Variants in GRM5 observed in about 807,000 individuals in gnomAD.
GRM5 encodes the protein metabotropic glutamate receptor 5.
Under a neutral mutation model 83.1 loss-of-function variants are expected in GRM5, and 19 were observed. The observed-to-expected ratio is 0.23, with a 90% CI of 0.16 to 0.34. GRM5 has a LOEUF of 0.34. Ranked by LOEUF, GRM5 falls within the 10% of genes least tolerant of loss-of-function variation. The pLI is 1.00. For missense variants in GRM5, 1,160 were observed against 1,588.3 expected, an observed-to-expected ratio of 0.73 and a Z score of 4.58; for synonymous variants, 675 against 633.6, an observed-to-expected ratio of 1.07 and a Z score of -0.98.
intron 3 of GRM5, among the ~76,000 whole-genome samples, chr11:88,666,798 A>C (rs984874149): frequency 6.6e-6 from 1 of 152,214 alleles, no homozygotes; most frequent in Non-Finnish European, 1.5e-5. Flanking sequence ...AACAAGCAAC[A>C]GCAAATTCTC....
At chr11:89,031,600 A>G (rs1006050993) in intron 2 of GRM5, among the ~76,000 whole-genome samples, 2 of 152,014 alleles carry the variant, frequency 1.3e-5, no homozygotes, top group African/African-American at 4.8e-5. Context: ...GAAAAAATGC[A>G]AACAAAAACA....
chr11:88,713,132 A>T (rs1029801461), intron 3 of GRM5, among the ~76,000 whole-genome samples: 1 of 152,060 alleles, frequency 6.6e-6, no homozygotes. Context: ...ATACTGCTAT[A>T]TTGTGCCTCT....
chr11:88,751,476 C>G (rs11021172), intron 3 of GRM5, among the ~76,000 whole-genome samples: 78,858 of 151,608 alleles, frequency 0.52, 23,347 homozygotes, highest in Non-Finnish European at 0.7. Flanking sequence ...GCCTACCAAC[C>G]AACAAAAGCT....
At chr11:88,629,213 AT>A (rs1938890506) in intron 4 of GRM5, among the ~76,000 whole-genome samples, 1 of 152,166 alleles carries the variant, frequency 6.6e-6, no homozygotes, top group Non-Finnish European at 1.5e-5. Context: ...TAGCGGCAAA[AT>A]TCTTTTAACA....
intron 3 of GRM5, among the ~76,000 whole-genome samples, chr11:88,848,770 A>G (rs535481955): frequency 9.2e-5 from 14 of 152,342 alleles, no homozygotes; most frequent in Admixed American, 5.9e-4. Flanking sequence ...TTTAACAGAC[A>G]TTAATCTGCC....
intron 2 of GRM5, among the ~76,000 whole-genome samples, chr11:88,856,069 T>C (rs534791382): frequency 9.9e-4 from 150 of 152,218 alleles, no homozygotes; most frequent in African/African-American, 3.6e-3. Flanking sequence ...CCTTCTACAA[T>C]AGAACTTTAT....
At chr11:88,761,729 A>T (rs553501144) in intron 3 of GRM5, among the ~76,000 whole-genome samples, 2 of 152,174 alleles carry the variant, frequency 1.3e-5, no homozygotes, top group Non-Finnish European at 2.9e-5. Context: ...AACCAAAAAA[A>T]GGTTCCGAAT....
At chr11:88,737,752 A>G (rs1941949291) in intron 3 of GRM5, among the ~76,000 whole-genome samples, 1 of 152,092 alleles carries the variant, frequency 6.6e-6, no homozygotes, top group African/African-American at 2.4e-5. Context: ...ATAGATTTTT[A>G]TCACATCTAA....
At chr11:88,913,469 G>T (rs1176324236) in intron 2 of GRM5, among the ~76,000 whole-genome samples, 6 of 151,812 alleles carry the variant, frequency 4.0e-5, no homozygotes, top group Admixed American at 2.0e-4. Context: ...CCCCTCCCCT[G>T]TCTCAGAGCT....
chr11:88,559,298 A>G (rs1187325450), intron 8 of GRM5, among the ~76,000 whole-genome samples: 2 of 152,134 alleles, frequency 1.3e-5, no homozygotes, highest in Non-Finnish European at 2.9e-5. Context: ...TCTACTCCTC[A>G]CTCATTAATC....
intron 9 of GRM5, among the ~76,000 whole-genome samples, chr11:88,519,498 T>C (rs1415555967): frequency 1.3e-5 from 2 of 152,114 alleles, no homozygotes; most frequent in African/African-American, 4.8e-5. Flanking sequence ...TGGGCTCTAA[T>C]ATGGGCTTTA....
chr11:88,661,687 A>G (rs755879304), intron 3 of GRM5, among the ~76,000 whole-genome samples: 11 of 152,120 alleles, frequency 7.2e-5, no homozygotes, highest in Non-Finnish European at 1.6e-4. Flanking sequence ...TCTACACACT[A>G]GTGAAAAGCA....
At chr11:88,977,904 A>G (rs1939391922) in intron 2 of GRM5, among the ~76,000 whole-genome samples, 1 of 152,232 alleles carries the variant, frequency 6.6e-6, no homozygotes, top group South Asian at 2.1e-4. Flanking sequence ...TTGCACATCA[A>G]CACACCTCCC....
intron 3 of GRM5, among the ~76,000 whole-genome samples, chr11:88,809,491 T>A (rs1943553021): frequency 6.6e-6 from 1 of 152,068 alleles, no homozygotes; most frequent in South Asian, 2.1e-4. Context: ...ATGTAGTTCA[T>A]CTCATTTAAT....
Position 88,599,874 on chromosome 11 carries a change from G to A in GRM5, c.1395-2522C>T, listed in dbSNP as rs180840061. On this transcript the variant is annotated intron_variant, in intron 5 of 9. Coordinates refer to ENST00000305447, the MANE Select transcript of GRM5 (RefSeq NM_001143831.3). ...TAAAAATAAAAAAAATTAGCCGGGC[G>A]TGGTGGCAGGCGCCTGTAGTCCCAG... 9.5e-4 allele frequency among the ~76,000 whole-genome samples: 145 copies of A among 152,156 alleles called. 1 individual carries two copies. Among genetic ancestry groups the A allele is most frequent in the African/African-American group, 3.5e-3 (144 of 41,512 alleles).
At chr11:88,949,008 T>C (rs1468982514) in intron 2 of GRM5, among the ~76,000 whole-genome samples, 1 of 152,200 alleles carries the variant, frequency 6.6e-6, no homozygotes, top group African/African-American at 2.4e-5. Context: ...CAACTAAACA[T>C]GAAGCCCAGA....
intron 2 of GRM5, among the ~76,000 whole-genome samples, chr11:88,850,659 T>C (rs1944374343): frequency 6.6e-6 from 1 of 150,384 alleles, no homozygotes; most frequent in African/African-American, 2.4e-5. Context: ...GTATATTATA[T>C]ACTTATAATC....
At chr11:88,952,677 T>G (rs1170557604) in intron 2 of GRM5, among the ~76,000 whole-genome samples, 1 of 152,160 alleles carries the variant, frequency 6.6e-6, no homozygotes, top group Non-Finnish European at 1.5e-5. Context: ...ACAGGGTTTT[T>G]GATGATGTCA....
At chr11:88,874,836 A>G (rs1049611520) in intron 2 of GRM5, among the ~76,000 whole-genome samples, 1 of 151,994 alleles carries the variant, frequency 6.6e-6, no homozygotes, top group African/African-American at 2.4e-5. Flanking sequence ...AAGTTATAAT[A>G]CCACACTGTA....
Sources: allele counts gnomAD v4.1 joint callset (sites outside exome capture counted in the v4.1 genomes callset), GRCh38; gene constraint gnomAD v4.1.1; transcripts MANE v1.5; gene names NCBI Gene and HGNC (gene_info 2026-07-23, HGNC 2026-07-21).